The following TNFSF13 variants were observed in gnomAD, a reference collection of about 807,000 sequenced individuals.
TNFSF13 encodes TNF superfamily member 13.
TNFSF13 carries 18 observed loss-of-function variants against 30.7 expected under a neutral mutation model. The observed-to-expected ratio is 0.59, with a 90% confidence interval of 0.41 to 0.87. The LOEUF (loss-of-function observed/expected upper bound fraction) is 0.87. Ranked by LOEUF, TNFSF13 falls within the 40% of genes least tolerant of loss-of-function variation. The pLI is 0.00. For missense variants in TNFSF13, 286 were observed against 308.8 expected, an observed-to-expected ratio of 0.93 and a Z score of 0.55; for synonymous variants, 116 against 123.2, an observed-to-expected ratio of 0.94 and a Z score of 0.39.
Position 7,560,957 on chromosome 17 carries a change from C to T in TNFSF13, c.*124C>T. 6.2e-7 allele frequency: 1 copy of T among 1,614,206 alleles called. No homozygotes were observed. On this transcript the variant is annotated 3_prime_UTR_variant, in exon 6 of 6. Coordinates refer to ENST00000338784, the MANE Select transcript of TNFSF13 (RefSeq NM_003808.4). ...AACAGAGGCGTCTTCCTGGGTTTGG[C>T]TCCCCGTTCCTCACTTTTCCCTTTT... is the stretch of plus-strand genomic sequence containing the variant.
In TNFSF13 at chr17:7,559,184, C is replaced by G; in HGVS notation, c.145C>G (p.Leu49Val). 3.1e-6 allele frequency: 5 copies of G among 1,612,852 alleles called. No individual in the cohort carries two copies. Among genetic ancestry groups the G allele is most frequent in the Non-Finnish European group, 4.2e-6 (5 of 1,179,740 alleles). The change falls in exon 1 of 6, where the codon CTG (leucine) becomes GTG (valine). Residue 49 changes from leucine to valine, a missense_variant. Leu to Val is a conservative substitution (Grantham distance 32). Transcript: ENST00000338784. The surrounding 1 kb of genome is among the most constrained non-coding windows in gnomAD (Gnocchi z 5.4). Reference sequence around the variant, plus strand: ...GGCCGTGGCTTGTGCCATGGCTCTGCTGACCCAACAAACAGAGCTGCAGAG... The same window carrying G: ...GGCCGTGGCTTGTGCCATGGCTCTGGTGACCCAACAAACAGAGCTGCAGAG... ...LGAVACAMAL[L>V]TQQTELQSLR...
In TNFSF13 at chr17:7,559,155, T is replaced by TG. The variant is rs746972360; in HGVS notation, c.121dup (p.Ala41GlyfsTer84). ...CTCTGGTTGAGTTGGGGGGCAGCTC[T>TG]GGGGGCCGTGGCTTGTGCCATGGCT... On this transcript the variant is annotated frameshift_variant, in exon 1 of 6. Coordinates refer to ENST00000338784, the MANE Select transcript of TNFSF13 (RefSeq NM_003808.4). LOFTEE classifies it high-confidence loss of function. The surrounding 1 kb of genome is among the most constrained non-coding windows in gnomAD (Gnocchi z 5.4). The TG allele has an allele frequency of 1.2e-6, 2 of 1,612,632 alleles. No individual in the cohort carries two copies. Among genetic ancestry groups the TG allele is most frequent in the Admixed American group, 3.3e-5 (2 of 59,974 alleles).
Position 7,559,897 on chromosome 17 carries a change from A to G in TNFSF13, c.385+4A>G. ...CCCATTAACGCCACCTCCAAGGGTG[A>G]GCACTATTTTAAATAATGGCTTTGG... On this transcript the variant is annotated splice_donor_region_variant and intron_variant, in intron 3 of 5. Coordinates refer to ENST00000338784, the MANE Select transcript of TNFSF13 (RefSeq NM_003808.4). This position sits in a 1 kb window ranked among gnomAD's most constrained non-coding sequence, Gnocchi z 5.4. 1 of 1,614,078 alleles carries G rather than the reference A, an allele frequency of 6.2e-7. No homozygotes were observed. Among genetic ancestry groups the G allele is most frequent in the Non-Finnish European group, 8.5e-7 (1 of 1,180,010 alleles).
Position 7,561,476 on chromosome 17 carries a change from G to A in TNFSF13, c.*643G>A, listed in dbSNP as rs528530288. The stretch of plus-strand genomic sequence containing the variant: ...GGCAGGCCATTCCAAGCCCTTCCGG[G>A]CTGGAACTGGTGTCGGAGGAGCCTC... On this transcript the variant is annotated 3_prime_UTR_variant, in exon 6 of 6. Coordinates refer to ENST00000338784, the MANE Select transcript of TNFSF13 (RefSeq NM_003808.4). This position sits in a 1 kb window ranked among gnomAD's most constrained non-coding sequence, Gnocchi z 4.4. The A allele has an allele frequency of 4.8e-6, 1 of 207,668 alleles. No individual in the cohort carries two copies. The highest frequency in any genetic ancestry group is 1.0e-5 in the Non-Finnish European group (1 of 100,062). The allele number at this position is 207,668 out of a possible 1,614,324, so 12.9% of individuals were successfully genotyped here.
rs1267174777 is a variant in TNFSF13 at position 7,559,754 on chromosome 17, A to T, written c.337+52A>T. 1.2e-6 allele frequency: 2 copies of T among 1,613,678 alleles called. No homozygotes were observed. The highest frequency in any genetic ancestry group is 1.7e-6 in the Non-Finnish European group (2 of 1,179,834). On this transcript the variant is annotated intron_variant, in intron 2 of 5. Transcript: ENST00000338784. The surrounding 1 kb of genome is among the most constrained non-coding windows in gnomAD (Gnocchi z 5.4). Reference sequence around the variant, plus strand: ...TGGGAGGTGATCAAGCAGCGTGGGGATTGTAAGCCCGAGTCAGGGTGAGGG... The same window carrying T: ...TGGGAGGTGATCAAGCAGCGTGGGGTTTGTAAGCCCGAGTCAGGGTGAGGG...
chr17:7,561,164 G>A lies in TNFSF13; in HGVS notation c.*331G>A. 2 of 1,233,448 alleles carry A rather than the reference G, an allele frequency of 1.6e-6. No individual in the cohort carries two copies. Among genetic ancestry groups the A allele is most frequent in the Non-Finnish European group, 2.3e-6 (2 of 878,788 alleles). The allele number at this position is 1,233,448 out of a possible 1,614,324, so 76.4% of individuals were successfully genotyped here. A position where few individuals can be genotyped will look rare whatever the true frequency, so the allele number is the denominator to read the frequency against. On this transcript the variant is annotated 3_prime_UTR_variant, in exon 6 of 6. Coordinates refer to ENST00000338784, the MANE Select transcript of TNFSF13 (RefSeq NM_003808.4). The surrounding 1 kb of genome is among the most constrained non-coding windows in gnomAD (Gnocchi z 4.4). ...ACCATCTAGCGGCCGCTCGAGGGAA[G>A]CACCCGCCGGTTGGCCGAAGTCCAC...
upstream of TNFSF13, chr17:7,558,746 G>GGGACA (rs2071113685): frequency 8.3e-6 from 2 of 241,392 alleles, no homozygotes. This position sits in a 1 kb window ranked among gnomAD's most constrained non-coding sequence, Gnocchi z 4.3. Flanking sequence ...TGTTCCTCCT[G>GGGACA]GGTGTCACTG....
Position 7,560,532 on chromosome 17 carries a change from G to A in TNFSF13, c.643+44G>A. 4 of 1,613,252 alleles carry A rather than the reference G, an allele frequency of 2.5e-6. No individual in the cohort carries two copies. The South Asian group carries it at 4.4e-5, about 18-fold the overall frequency. ...GCCGAAAGCAGGACGTCTCTGACCGGGGGTAGCAGTGCAGGGAGCTACCGC... is the reference window on the plus strand; with the variant it reads ...GCCGAAAGCAGGACGTCTCTGACCGAGGGTAGCAGTGCAGGGAGCTACCGC... On this transcript the variant is annotated intron_variant, in intron 5 of 5. Transcript: ENST00000338784.
At position 7,560,077 on chromosome 17, in the gene TNFSF13, G is replaced by A; in HGVS notation, c.414G>A (p.Trp138Ter). The change falls in exon 4 of 6, where the codon TGG (tryptophan) becomes TGA (stop). Residue 138 changes from tryptophan (W) to a stop codon, truncating the protein, a stop_gained. Transcript: ENST00000338784. LOFTEE classifies it high-confidence loss of function. ...KDDSDVTEVMWQPALRRGRGL... is the reference protein window; with the variant it reads ...KDDSDVTEVM ...ACTCCGATGTGACAGAGGTGATGTGGCAACCAGCTCTTAGGCGTGGGAGAG... is the reference window on the plus strand; with the variant it reads ...ACTCCGATGTGACAGAGGTGATGTGACAACCAGCTCTTAGGCGTGGGAGAG... The A allele has an allele frequency of 6.2e-7, 1 of 1,614,150 alleles. No homozygotes were observed. The highest frequency in any genetic ancestry group is 8.5e-7 in the Non-Finnish European group (1 of 1,180,016).
chr17:7,558,931 G>T lies in TNFSF13; in HGVS notation c.-109G>T. On this transcript the variant is annotated 5_prime_UTR_variant, in exon 1 of 6. Coordinates refer to ENST00000338784, the MANE Select transcript of TNFSF13 (RefSeq NM_003808.4). The surrounding 1 kb of genome is among the most constrained non-coding windows in gnomAD (Gnocchi z 4.3). ...TTCAAGTTCCTTTTTATTTCTCCTTGCGTAACAACCTTCTTCCCTTCTGCA... is the reference window on the plus strand; with the variant it reads ...TTCAAGTTCCTTTTTATTTCTCCTTTCGTAACAACCTTCTTCCCTTCTGCA... 8.2e-7 allele frequency: 1 copy of T among 1,224,128 alleles called. No individual in the cohort carries two copies. Among genetic ancestry groups the T allele is most frequent in the South Asian group, 2.3e-5 (1 of 42,938 alleles). 75.8% of individuals were successfully genotyped at this position (1,224,128 alleles called of 1,614,324 possible).
chr17:7,558,936 A>T lies in TNFSF13; in HGVS notation c.-104A>T. The T allele has an allele frequency of 7.9e-7, 1 of 1,269,364 alleles. No individual in the cohort carries two copies. The highest frequency in any genetic ancestry group is 1.5e-5 in the African/African-American group (1 of 65,778). The allele number at this position is 1,269,364 out of a possible 1,614,324, so 78.6% of individuals were successfully genotyped here. A position where few individuals can be genotyped will look rare whatever the true frequency, so the allele number is the denominator to read the frequency against. ...GTTCCTTTTTATTTCTCCTTGCGTA[A>T]CAACCTTCTTCCCTTCTGCACCACT... On this transcript the variant is annotated 5_prime_UTR_variant, in exon 1 of 6. Transcript: ENST00000338784. The surrounding 1 kb of genome is among the most constrained non-coding windows in gnomAD (Gnocchi z 4.3).
chr17:7,560,065 A>G lies in TNFSF13; in HGVS notation c.402A>G (p.Thr134=). 2 of 1,614,192 alleles carry G rather than the reference A, an allele frequency of 1.2e-6. No individual in the cohort carries two copies. The highest frequency in any genetic ancestry group is 1.7e-6 in the Non-Finnish European group (2 of 1,180,028). ...NATSKDDSDV[T]EVMWQPALRR... is the part of the protein sequence containing the mutation. ...CACCTCCAGATGACTCCGATGTGAC[A>G]GAGGTGATGTGGCAACCAGCTCTTA... Residue 134 remains threonine (T), a synonymous_variant, in exon 4 of 6, where the codon ACA becomes ACG. Transcript: ENST00000338784.
Position 7,558,901 on chromosome 17 carries a change from T to A in TNFSF13, c.-139T>A, listed in dbSNP as rs748301170. 6.7e-5 allele frequency: 73 copies of A among 1,092,108 alleles called. No homozygotes were observed. Among genetic ancestry groups the A allele is most frequent in the Admixed American group, 1.1e-4 (4 of 37,026 alleles). The allele number at this position is 1,092,108 out of a possible 1,614,324, so 67.7% of individuals were successfully genotyped here. On this transcript the variant is annotated 5_prime_UTR_variant, in exon 1 of 6. Coordinates refer to ENST00000338784, the MANE Select transcript of TNFSF13 (RefSeq NM_003808.4). This position sits in a 1 kb window ranked among gnomAD's most constrained non-coding sequence, Gnocchi z 4.3. ...AGCTTGCTTTCCTCCTCCCTCCTTTTTATTTTCAAGTTCCTTTTTATTTCT... is the reference window on the plus strand; with the variant it reads ...AGCTTGCTTTCCTCCTCCCTCCTTTATATTTTCAAGTTCCTTTTTATTTCT...
Position 7,560,361 on chromosome 17 carries a change from A to G in TNFSF13, c.516A>G (p.Gln172=). The part of the protein sequence containing the change: ...VYLLYSQVLF[Q]DVTFTMGQVV... Reference sequence around the variant, plus strand: ...CCCTTCCCTGCCAGGTCCTGTTTCAAGACGTGACTTTCACCATGGGTCAGG... The same window carrying G: ...CCCTTCCCTGCCAGGTCCTGTTTCAGGACGTGACTTTCACCATGGGTCAGG... The change falls in exon 5 of 6, where the codon CAA becomes CAG. Residue 172 remains glutamine (Q), a synonymous_variant. Coordinates refer to ENST00000338784, the MANE Select transcript of TNFSF13 (RefSeq NM_003808.4). The G allele has an allele frequency of 6.2e-7, 1 of 1,614,160 alleles. No individual in the cohort carries two copies. Among genetic ancestry groups the G allele is most frequent in the South Asian group, 1.1e-5 (1 of 91,084 alleles).
Position 7,559,125 on chromosome 17 carries a change from T to C in TNFSF13, c.86T>C (p.Val29Ala), listed in dbSNP as rs1245379084. Residue 29 changes from valine to alanine, a missense_variant, in exon 1 of 6, where the codon GTT (valine) becomes GCT (alanine). By Grantham distance (64) the Val-to-Ala change is moderately conservative. Coordinates refer to ENST00000338784, the MANE Select transcript of TNFSF13 (RefSeq NM_003808.4). The surrounding 1 kb of genome is among the most constrained non-coding windows in gnomAD (Gnocchi z 5.4). ...GGPVREPALS[V>A]ALWLSWGAAL... ...CCAGTCAGAGAGCCGGCACTCTCAG[T>C]TGCCCTCTGGTTGAGTTGGGGGGCA... is the stretch of plus-strand genomic sequence containing the variant. The C allele has an allele frequency of 6.2e-7, 1 of 1,609,118 alleles. No individual in the cohort carries two copies. Among genetic ancestry groups the C allele is most frequent in the Non-Finnish European group, 8.5e-7 (1 of 1,176,350 alleles).
In TNFSF13 at chr17:7,561,220, G is replaced by A; in HGVS notation, c.*387G>A. On this transcript the variant is annotated 3_prime_UTR_variant, in exon 6 of 6. Transcript: ENST00000338784. This position sits in a 1 kb window ranked among gnomAD's most constrained non-coding sequence, Gnocchi z 4.4. ...CGCCCTCTGCTAGGGAAAACCCCTGGTTCTCCATGCCACACCTCTCTCCAG... is the reference window on the plus strand; with the variant it reads ...CGCCCTCTGCTAGGGAAAACCCCTGATTCTCCATGCCACACCTCTCTCCAG... 1 of 668,998 alleles carries A rather than the reference G, an allele frequency of 1.5e-6. No individual in the cohort carries two copies. Among genetic ancestry groups the A allele is most frequent in the East Asian group, 2.6e-5 (1 of 37,954 alleles). The allele number at this position is 668,998 out of a possible 1,614,324, so 41.4% of individuals were successfully genotyped here.
chr17:7,558,962 G>A lies in TNFSF13; in HGVS notation c.-78G>A. Reference sequence around the variant, plus strand: ...CAACCTTCTTCCCTTCTGCACCACTGCCCGTACCCTTACCCGCCCCGCCAC... The same window carrying A: ...CAACCTTCTTCCCTTCTGCACCACTACCCGTACCCTTACCCGCCCCGCCAC... On this transcript the variant is annotated 5_prime_UTR_variant, in exon 1 of 6. Transcript: ENST00000338784. The surrounding 1 kb of genome is among the most constrained non-coding windows in gnomAD (Gnocchi z 4.3). 2 of 1,455,608 alleles carry A rather than the reference G, an allele frequency of 1.4e-6. No homozygotes were observed. Among genetic ancestry groups the A allele is most frequent in the Non-Finnish European group, 1.8e-6 (2 of 1,095,188 alleles). 90.2% of individuals were successfully genotyped at this position (1,455,608 alleles called of 1,614,324 possible). A position where few individuals can be genotyped will look rare whatever the true frequency, so the allele number is the denominator to read the frequency against.
chr17:7,561,504 G>C lies in TNFSF13; in HGVS notation c.*671G>C, dbSNP rs1403652395. 1 of 195,838 alleles carries C rather than the reference G, an allele frequency of 5.1e-6. No homozygotes were observed. Among genetic ancestry groups the C allele is most frequent in the East Asian group, 1.5e-4 (1 of 6,472 alleles). 12.1% of individuals were successfully genotyped at this position (195,838 alleles called of 1,614,324 possible). ...GGAACTGGTGTCGGAGGAGCCTCGGGTGTATCGTACGCCCTGGTGTTGGTG... is the reference window on the plus strand; with the variant it reads ...GGAACTGGTGTCGGAGGAGCCTCGGCTGTATCGTACGCCCTGGTGTTGGTG... On this transcript the variant is annotated 3_prime_UTR_variant, in exon 6 of 6. Transcript: ENST00000338784. The surrounding 1 kb of genome is among the most constrained non-coding windows in gnomAD (Gnocchi z 4.4).
At position 7,560,497 on chromosome 17, in the gene TNFSF13, C is replaced by T. The variant is rs1426047803; in HGVS notation, c.643+9C>T. ...CAGCTGCTATAGCGCAGGTGAGAGC[C>T]GTGTGGGCAGCCGAAAGCAGGACGT... On this transcript the variant is annotated intron_variant, in intron 5 of 5. Transcript: ENST00000338784. The T allele has an allele frequency of 1.2e-6, 2 of 1,614,032 alleles. No homozygotes were observed. Among genetic ancestry groups the T allele is most frequent in the East Asian group, 2.2e-5 (1 of 44,872 alleles).
Sources: gnomAD v4.1 joint callset for allele counts on GRCh38, gnomAD v4.1.1 for gene constraint, Gnocchi (gnomAD v3.1) non-coding constraint, MANE v1.5 for transcripts, NCBI Gene and HGNC (gene_info 2026-07-23, HGNC 2026-07-21) for gene names.